The following DICER1 variants were observed in gnomAD, a reference collection of about 807,000 sequenced individuals.
The protein encoded by DICER1 is dicer 1, ribonuclease III.
Under a neutral mutation model 194.1 loss-of-function variants are expected in DICER1, and 43 were observed. The ratio of observed to expected loss-of-function variants is 0.22; its 90% CI spans 0.17 to 0.29. DICER1 has a LOEUF of 0.29. Ranked by LOEUF, DICER1 falls within the 10% of genes least tolerant of loss-of-function variation. The pLI is 1.00. For missense variants in DICER1, 1,608 were observed against 2,317.0 expected (o/e 0.69, Z 6.28); for synonymous variants, 832 against 820.5 (o/e 1.01, Z -0.24).
Position 95,091,120 on chromosome 14 carries a change from A to C in DICER1, c.5528-11T>G. 6.2e-7 allele frequency: 1 copy of C among 1,614,040 alleles called. No homozygotes were observed. Among genetic ancestry groups the C allele is most frequent in the Non-Finnish European group, 8.5e-7 (1 of 1,179,940 alleles). ...TTGCAGAAAACTTTTCTGCAATCAA[A>C]ATGAAAGAATAATATGAATAATATC... On this transcript the variant is annotated splice_polypyrimidine_tract_variant and intron_variant, in intron 25 of 26. Coordinates refer to ENST00000343455, the MANE Select transcript of DICER1 (RefSeq NM_177438.3).
intron 1 of DICER1, among the ~76,000 whole-genome samples, chr14:95,133,992 A>G (rs1894172279): frequency 6.6e-6 from 1 of 152,210 alleles, no homozygotes; most frequent in African/African-American, 2.4e-5. Flanking sequence ...ATGTAAATAT[A>G]CACATAAATA....
chr14:95,133,383 G>C lies in DICER1; in HGVS notation c.76C>G (p.Pro26Ala). 6.2e-7 allele frequency: 1 copy of C among 1,614,140 alleles called. No individual in the cohort carries two copies. The highest frequency in any genetic ancestry group is 8.5e-7 in the Non-Finnish European group (1 of 1,180,014). The stretch of plus-strand genomic sequence containing the variant: ...TGTTGCCATGGCAGTCCAAAGAAAG[G>C]ACCCATTGGTGAGGAAGCAGGGGTC... ...LMTPASSPMGPFFGLPWQQEA... is the reference protein window; with the variant it reads ...LMTPASSPMGAFFGLPWQQEA... The change falls in exon 2 of 27, where the codon CCT (proline) becomes GCT (alanine). Residue 26 changes from proline (P) to alanine (A), a missense_variant. Physicochemically the swap from Pro to Ala is conservative, Grantham distance 27 (BLOSUM62 -1). This residue lies in a region of DICER1 where 657 missense variants were observed against 910.1 expected (regional missense o/e 0.72). Transcript: ENST00000343455.
In DICER1 at chr14:95,087,361, A is replaced by C. The variant is rs1889416697; in HGVS notation, c.*3137T>G. 4.3e-6 allele frequency: 1 copy of C among 233,324 alleles called. No individual in the cohort carries two copies. The highest frequency in any genetic ancestry group is 1.8e-4 in the South Asian group (1 of 5,528). 14.5% of individuals were successfully genotyped at this position (233,324 alleles called of 1,614,324 possible). On this transcript the variant is annotated 3_prime_UTR_variant, in exon 27 of 27. Transcript: ENST00000343455. ...AAAAAAGAAAAGAAATATAACAAAC[A>C]TTTTAAAAACATAATTAAGAGTTCA... is the stretch of plus-strand genomic sequence containing the variant.
chr14:95,107,056 C>A (rs1654185089), intron 17 of DICER1, among the ~76,000 whole-genome samples: 1 of 152,102 alleles, frequency 6.6e-6, no homozygotes, highest in Non-Finnish European at 1.5e-5. Context: ...CGATCTGTTG[C>A]CCAGGCTGGA....
rs769510378 is a variant in DICER1, at chr14:95,112,231, C to T, written c.2057G>A (p.Cys686Tyr). ...RASIVGPPMS[C>Y]VRLAERVVAL... ...TACAACTCTTTCAGCCAATCGTACA[C>T]AGCTCATTGGTGGACCCTGAAAATA... The change falls in exon 13 of 27, where the codon TGT (cysteine) becomes TAT (tyrosine). Residue 686 changes from cysteine to tyrosine, a missense_variant. Coordinates refer to ENST00000343455, the MANE Select transcript of DICER1 (RefSeq NM_177438.3). 4 of 1,614,004 alleles carry T rather than the reference C, an allele frequency of 2.5e-6. No individual in the cohort carries two copies. The highest frequency in any genetic ancestry group is 2.2e-5 in the South Asian group (2 of 91,076).
chr14:95,090,241 T>C lies in DICER1; in HGVS notation c.*257A>G. 1.9e-6 allele frequency: 1 copy of C among 524,452 alleles called. No homozygotes were observed. Among genetic ancestry groups the C allele is most frequent in the Non-Finnish European group, 3.4e-6 (1 of 293,372 alleles). 32.5% of individuals were successfully genotyped at this position (524,452 alleles called of 1,614,324 possible). A position where few individuals can be genotyped will look rare whatever the true frequency, so the allele number is the denominator to read the frequency against. The stretch of plus-strand genomic sequence containing the variant: ...AAATGTCATCATTAAAGCACTCTTG[T>C]GATTTAAACAAAGCAGAAGTGAGGA... On this transcript the variant is annotated 3_prime_UTR_variant, in exon 27 of 27. Coordinates refer to ENST00000343455, the MANE Select transcript of DICER1 (RefSeq NM_177438.3).
intron 1 of DICER1, among the ~76,000 whole-genome samples, chr14:95,151,324 T>C (rs1218915656): frequency 6.6e-6 from 1 of 152,220 alleles, no homozygotes; most frequent in African/African-American, 2.4e-5. Context: ...TCCTCCATTA[T>C]ATTACTAGAC....
intron 14 of DICER1, among the ~76,000 whole-genome samples, chr14:95,110,179 T>C (rs1178371543): frequency 2.0e-5 from 3 of 152,196 alleles, no homozygotes; most frequent in Admixed American, 6.5e-5. Flanking sequence ...AAAACACTTT[T>C]AATATTAAGC....
At chr14:95,154,018 A>G (rs1895684717) in intron 1 of DICER1, among the ~76,000 whole-genome samples, 1 of 152,248 alleles carries the variant, frequency 6.6e-6, no homozygotes, top group Non-Finnish European at 1.5e-5. Flanking sequence ...ATGTCCAAAA[A>G]GCACAGCAAA....
At chr14:95,115,522 AAG>A in intron 11 of DICER1, 143 bp downstream of exon 11, 1 of 912,774 alleles carries the variant, frequency 1.1e-6, no homozygotes, top group Non-Finnish European at 1.7e-6. Flanking sequence ...AAAATGAAAA[AAG>A]AAGTAACTTT....
At chr14:95,113,738 C>T (rs1182446782) in intron 11 of DICER1, among the ~76,000 whole-genome samples, 1 of 152,196 alleles carries the variant, frequency 6.6e-6, no homozygotes, top group Middle Eastern at 3.2e-3. Flanking sequence ...TGAGCAACAG[C>T]ACCAGGGAAG....
chr14:95,146,893 G>A (rs1895171633), intron 1 of DICER1, among the ~76,000 whole-genome samples: 1 of 152,086 alleles, frequency 6.6e-6, no homozygotes, highest in Admixed American at 6.5e-5. Flanking sequence ...AAAACTAAAG[G>A]AAAGGAAAAA....
chr14:95,156,159 A>G (rs921717330), intron 1 of DICER1, among the ~76,000 whole-genome samples: 3 of 152,184 alleles, frequency 2.0e-5, no homozygotes, highest in Admixed American at 1.3e-4. Context: ...ATTTTTAACA[A>G]TATTTTCCGA....
At chr14:95,148,405 A>C (rs778826921) in intron 1 of DICER1, among the ~76,000 whole-genome samples, 1 of 152,298 alleles carries the variant, frequency 6.6e-6, no homozygotes, top group Middle Eastern at 3.4e-3. Context: ...CACTTTGGAG[A>C]TTCTAAGGAT....
intron 1 of DICER1, among the ~76,000 whole-genome samples, chr14:95,148,240 A>G (rs2140426412): frequency 6.6e-6 from 1 of 152,224 alleles, no homozygotes; most frequent in Non-Finnish European, 1.5e-5. Flanking sequence ...CCTGGGCATG[A>G]TTAACCTTCA....
rs142815547 is a variant in DICER1 at position 95,130,146 on chromosome 14, C to T, written c.485G>A (p.Gly162Asp). ...CYVALNVLKN[G>D]YLSLSDINLL... ...GTTAATGTCTGACAGTGATAAGTAA[C>T]CATTTTTCAAAACATTCAAGGCGAC... The change falls in exon 5 of 27, where the codon GGT (glycine) becomes GAT (aspartate). Residue 162 changes from glycine (G) to aspartate (D), a missense_variant. By Grantham distance (94) the Gly-to-Asp change is moderately conservative. Around this residue, in one of 10 missense-constraint regions of DICER1, gnomAD observed 657 missense variants for 910.1 expected, o/e 0.72. Coordinates refer to ENST00000343455, the MANE Select transcript of DICER1 (RefSeq NM_177438.3). The T allele has an allele frequency of 4.0e-4, 638 of 1,613,240 alleles. 3 individuals are homozygous for T. The African/African-American group carries it at 6.9e-3, about 17-fold the overall frequency.
At chr14:95,151,476 T>C (rs1311363712) in intron 1 of DICER1, among the ~76,000 whole-genome samples, 1 of 152,228 alleles carries the variant, frequency 6.6e-6, no homozygotes, top group Non-Finnish European at 1.5e-5. Context: ...TTATGTACCA[T>C]GAGAGTTTAA....
intron 22 of DICER1, 142 bp from the exon 23 acceptor site, chr14:95,096,855 T>G (rs952567992): frequency 3.4e-6 from 3 of 872,778 alleles, no homozygotes; most frequent in Non-Finnish European, 5.1e-6. Flanking sequence ...TCATGGCCAT[T>G]TGTTTTCAAT....
At chr14:95,091,836 G>A (rs2139787319) in intron 24 of DICER1, among the ~76,000 whole-genome samples, 1 of 152,114 alleles carries the variant, frequency 6.6e-6, no homozygotes, top group Admixed American at 6.5e-5. Flanking sequence ...AGGGAAATAG[G>A]GAAATTATAT....
Sources: allele counts gnomAD v4.1 joint callset (sites outside exome capture counted in the v4.1 genomes callset), GRCh38; gene constraint gnomAD v4.1.1; regional missense constraint gnomAD v4.1.1; transcripts MANE v1.5; gene names NCBI Gene and HGNC (gene_info 2026-07-23, HGNC 2026-07-21).